Variants in DIAPH3 observed in about 807,000 individuals in gnomAD.
DIAPH3 encodes the protein protein diaphanous homolog 3.
A neutral mutation model predicts 144.3 loss-of-function variants in DIAPH3; 117 were observed. The ratio of observed to expected loss-of-function variants is 0.81; its 90% confidence interval spans 0.70 to 0.95. The LOEUF (loss-of-function observed/expected upper bound fraction) is 0.95, where lower values mean the gene tolerates loss of function less well. Among genes scored for constraint, DIAPH3 ranks in the 40% least tolerant of loss-of-function variants. The probability of loss-of-function intolerance (pLI) is 0.00; values close to 1 mark genes in which losing one functional copy is unlikely to be tolerated. For synonymous variants in DIAPH3, 519 were observed against 488.9 expected (o/e 1.06, Z -0.81); for missense variants, 1,421 against 1,412.7 (o/e 1.01, Z -0.09).
intron 24 of DIAPH3, among the ~76,000 whole-genome samples, chr13:59,827,157 G>T (rs539263643): frequency 1.3e-5 from 2 of 152,062 alleles, no homozygotes; most frequent in Non-Finnish European, 2.9e-5. Context: ...AAAAGCAATG[G>T]CAACAAAAGC....
chr13:60,042,862 G>A (rs776395171), intron 4 of DIAPH3, 42 bp from the exon 5 acceptor site: 21 of 1,604,864 alleles, frequency 1.3e-5, no homozygotes, highest in Non-Finnish European at 1.6e-5. Context: ...ATACTGCATG[G>A]AGATTACCCA....
At chr13:60,034,949 T>C (rs1443081652) in intron 5 of DIAPH3, among the ~76,000 whole-genome samples, 1 of 152,172 alleles carries the variant, frequency 6.6e-6, no homozygotes, top group Non-Finnish European at 1.5e-5. Flanking sequence ...TGTGACTCAC[T>C]TTACATGTTA....
chr13:59,782,762 G>A (rs2038806276), intron 25 of DIAPH3, among the ~76,000 whole-genome samples: 1 of 152,100 alleles, frequency 6.6e-6, no homozygotes, highest in African/African-American at 2.4e-5. Context: ...AGAGGGAGAA[G>A]GAACAGCAGT....
chr13:59,730,763 C>T (rs2035856657), intron 27 of DIAPH3, among the ~76,000 whole-genome samples: 1 of 152,118 alleles, frequency 6.6e-6, no homozygotes, highest in Non-Finnish European at 1.5e-5. Flanking sequence ...CTTCCATTTG[C>T]CATCTATAAA....
Position 59,833,172 on chromosome 13 carries a change from C to A in DIAPH3, c.2962G>T (p.Asp988Tyr). 6.2e-7 allele frequency: 1 copy of A among 1,610,854 alleles called. No individual in the cohort carries two copies. The highest frequency in any genetic ancestry group is 8.5e-7 in the Non-Finnish European group (1 of 1,178,022). ...YQSIIGYYAI[D>Y]VKKVSVEDFL... ...TCTTCCACAGACACCTTCTTCACATCAATGGCATAGTATCCTATTATACTC... is the reference window on the plus strand; with the variant it reads ...TCTTCCACAGACACCTTCTTCACATAAATGGCATAGTATCCTATTATACTC... Residue 988 changes from aspartate (D) to tyrosine (Y), a missense_variant, in exon 24 of 28, where the codon GAT becomes TAT. Coordinates refer to ENST00000400324, the MANE Select transcript of DIAPH3 (RefSeq NM_001042517.2).
At chr13:60,115,619 C>T (rs988346034) in intron 2 of DIAPH3, among the ~76,000 whole-genome samples, 1 of 152,062 alleles carries the variant, frequency 6.6e-6, no homozygotes, top group African/African-American at 2.4e-5. Context: ...CTGCAAACGG[C>T]ACCATCTTTA....
At position 59,891,777 on chromosome 13, in the gene DIAPH3, GA is replaced by G. The variant is rs150161177; in HGVS notation, c.2368-12310del. Among the ~76,000 whole-genome samples the G allele has an allele frequency of 8.0e-3, 1,216 of 152,046 alleles. 18 individuals are homozygous for G. Among genetic ancestry groups the G allele is most frequent in the African/African-American group, 0.027 (1,129 of 41,508 alleles). Reference sequence around the variant, plus strand: ...AACACAAGAGTGATTGCCACCATAAGAAATGAAGTATGGCCTTAGTGTCAAA... The same window carrying G: ...AACACAAGAGTGATTGCCACCATAAGAATGAAGTATGGCCTTAGTGTCAAA... On this transcript the variant is annotated intron_variant, in intron 20 of 27. Transcript: ENST00000400324.
At chr13:59,946,076 G>A (rs2048780096) in intron 17 of DIAPH3, among the ~76,000 whole-genome samples, 1 of 152,032 alleles carries the variant, frequency 6.6e-6, no homozygotes, top group African/African-American at 2.4e-5. Context: ...ACCCAAATAT[G>A]TCAAATGATA....
chr13:59,677,422 A>G (rs1178123709), intron 27 of DIAPH3, among the ~76,000 whole-genome samples: 1 of 151,998 alleles, frequency 6.6e-6, no homozygotes, highest in Non-Finnish European at 1.5e-5. Context: ...TAAACATTGA[A>G]AAAAAAAGGT....
At chr13:59,949,702 C>A (rs2049000808) in intron 17 of DIAPH3, among the ~76,000 whole-genome samples, 1 of 152,130 alleles carries the variant, frequency 6.6e-6, no homozygotes, top group South Asian at 2.1e-4. Context: ...ATTTACTATT[C>A]AGTCTTGTAT....
intron 17 of DIAPH3, among the ~76,000 whole-genome samples, chr13:59,962,590 C>CG (rs2049829321): frequency 1.3e-5 from 2 of 152,116 alleles, no homozygotes; most frequent in African/African-American, 2.4e-5. Flanking sequence ...TAGGACCCAA[C>CG]GAGGGACTCC....
chr13:59,689,011 G>A (rs543882123), intron 27 of DIAPH3, among the ~76,000 whole-genome samples: 14 of 152,034 alleles, frequency 9.2e-5, no homozygotes, highest in Non-Finnish European at 1.9e-4. Flanking sequence ...CGTAGACTGG[G>A]TTTCATCTTT....
intron 24 of DIAPH3, among the ~76,000 whole-genome samples, chr13:59,826,835 T>A (rs2041460918): frequency 6.6e-6 from 1 of 151,880 alleles, no homozygotes; most frequent in Non-Finnish European, 1.5e-5. Flanking sequence ...AAAACAGAGA[T>A]ATAGATCAAT....
intron 22 of DIAPH3, among the ~76,000 whole-genome samples, chr13:59,850,117 T>G (rs1292559261): frequency 6.6e-6 from 1 of 151,658 alleles, no homozygotes; most frequent in Non-Finnish European, 1.5e-5. Context: ...TGGCTCTCTG[T>G]TTGTCTGTTG....
intron 1 of DIAPH3, among the ~76,000 whole-genome samples, chr13:60,159,396 CG>C (rs1367664784): frequency 1.3e-5 from 2 of 151,364 alleles, no homozygotes; most frequent in African/African-American, 4.9e-5. Flanking sequence ...GAGGCCGAAG[CG>C]GGTGGATCAC....
intron 27 of DIAPH3, among the ~76,000 whole-genome samples, chr13:59,739,759 A>G (rs2036351911): frequency 6.6e-6 from 1 of 152,132 alleles, no homozygotes; most frequent in African/African-American, 2.4e-5. Flanking sequence ...GACTCCTGCA[A>G]AGCACTACTC....
intron 27 of DIAPH3, among the ~76,000 whole-genome samples, chr13:59,723,580 G>GT (rs747409709): frequency 1.3e-5 from 2 of 151,432 alleles, no homozygotes; most frequent in Non-Finnish European, 2.9e-5. Flanking sequence ...AAGATTCTTT[G>GT]TTAAGTGACA....
At chr13:59,779,941 AAAG>A (rs761866644) in intron 25 of DIAPH3, among the ~76,000 whole-genome samples, 1 of 152,212 alleles carries the variant, frequency 6.6e-6, no homozygotes, top group Non-Finnish European at 1.5e-5. Flanking sequence ...GGGGACATAT[AAAG>A]AAGATGTTCT....
rs537806098 is a variant in DIAPH3, at chr13:59,887,943, T to C, written c.2368-8475A>G. On this transcript the variant is annotated intron_variant, in intron 20 of 27. Transcript: ENST00000400324. Reference sequence around the variant, plus strand: ...TCCTGGCAAGTTATTATTTTTGTTATTGTATACTGATACTTCATTTCTTAT... The same window carrying C: ...TCCTGGCAAGTTATTATTTTTGTTACTGTATACTGATACTTCATTTCTTAT... 3.9e-5 allele frequency among the ~76,000 whole-genome samples: 6 copies of C among 152,282 alleles called. No individual in the cohort carries two copies. The South Asian group carries it at 1.0e-3, about 26-fold the overall frequency.
Sources: allele counts gnomAD v4.1 joint callset (sites outside exome capture counted in the v4.1 genomes callset), GRCh38; gene constraint gnomAD v4.1.1; transcripts MANE v1.5; gene names NCBI Gene and HGNC (gene_info 2026-07-23, HGNC 2026-07-21).